DAB1: variants seen among roughly 807,000 people sequenced by gnomAD.
DAB1 encodes the protein DAB adaptor protein 1.
DAB1 carries 15 observed loss-of-function variants against 64.6 expected under a neutral mutation model. That is an observed-to-expected ratio of 0.23 (90% CI 0.16 to 0.36). DAB1 has a LOEUF of 0.36. DAB1 is among the 10% of genes least tolerant of loss of function. The probability of loss-of-function intolerance (pLI) is 1.00; values close to 1 mark genes in which losing one functional copy is unlikely to be tolerated. For missense variants in DAB1, 596 were observed against 706.7 expected (o/e 0.84, Z 1.78); for synonymous variants, 235 against 251.9 (o/e 0.93, Z 0.64).
At chr1:57,344,196 T>C (rs943652088) in intron 1 of DAB1, among the ~76,000 whole-genome samples, 1 of 152,138 alleles carries the variant, frequency 6.6e-6, no homozygotes, top group African/African-American at 2.4e-5. Context: ...GATTCCAAAG[T>C]CTTTGCTCTT....
chr1:58,424,829 G>A (rs1394559395), intron 3 of DAB1, among the ~76,000 whole-genome samples: 2 of 152,180 alleles, frequency 1.3e-5, no homozygotes, highest in Middle Eastern at 3.4e-3. Context: ...AAGCATGAGG[G>A]AGAAGGAGGC....
At chr1:57,226,620 A>G (rs556910084) in intron 2 of DAB1, among the ~76,000 whole-genome samples, 1 of 150,212 alleles carries the variant, frequency 6.7e-6, no homozygotes, top group Non-Finnish European at 1.5e-5. Flanking sequence ...AACAAGAGTG[A>G]GCCCTTCAAA....
chr1:57,473,173 A>T (rs1324941696), intron 7 of DAB1, among the ~76,000 whole-genome samples: 3 of 152,184 alleles, frequency 2.0e-5, no homozygotes, highest in Non-Finnish European at 4.4e-5. Flanking sequence ...TTCAAATCCC[A>T]ATCTACTGAA....
At chr1:57,192,664 C>T (rs2100215171) in intron 2 of DAB1, among the ~76,000 whole-genome samples, 1 of 152,318 alleles carries the variant, frequency 6.6e-6, no homozygotes, top group East Asian at 1.9e-4. Context: ...ACCATGGCAG[C>T]CTTTCACTGG....
At chr1:57,599,841 G>C (rs1020335510) in intron 7 of DAB1, among the ~76,000 whole-genome samples, 2 of 152,134 alleles carry the variant, frequency 1.3e-5, no homozygotes, top group Non-Finnish European at 2.9e-5. Flanking sequence ...TCATTGCTCA[G>C]ATAGCTCCTC....
intron 1 of DAB1, among the ~76,000 whole-genome samples, chr1:57,380,345 A>G (rs1189967085): frequency 1.3e-5 from 2 of 152,224 alleles, no homozygotes; most frequent in African/African-American, 4.8e-5. Context: ...TCTTATAAAT[A>G]GTGGCTACCA....
At chr1:57,793,324 T>C (rs1480112405) in intron 6 of DAB1, among the ~76,000 whole-genome samples, 1 of 152,206 alleles carries the variant, frequency 6.6e-6, no homozygotes, top group Non-Finnish European at 1.5e-5. Flanking sequence ...TTACCTCAGA[T>C]GGATGGCTGG....
At chr1:57,446,198 C>T (rs533154823) in intron 7 of DAB1, among the ~76,000 whole-genome samples, 2 of 152,266 alleles carry the variant, frequency 1.3e-5, no homozygotes, top group Admixed American at 1.3e-4. Context: ...CTTAATAGTT[C>T]CATCTTCACT....
intron 9 of DAB1, among the ~76,000 whole-genome samples, chr1:57,056,524 A>G (rs1282318707): frequency 6.6e-6 from 1 of 151,588 alleles, no homozygotes; most frequent in Non-Finnish European, 1.5e-5. Context: ...AAAAAAAGAA[A>G]AAAAAGAAAA....
intron 9 of DAB1, among the ~76,000 whole-genome samples, chr1:57,047,347 G>T (rs1296489796): frequency 6.6e-6 from 1 of 152,156 alleles, no homozygotes; most frequent in Admixed American, 6.5e-5. Context: ...CCCAAAATTC[G>T]TATGTTAAAG....
chr1:57,367,127 T>TAAAATAAAATAAAATAAAATAAAAA (rs1680122978), intron 1 of DAB1, among the ~76,000 whole-genome samples: 1 of 134,308 alleles, frequency 7.4e-6, no homozygotes, highest in Non-Finnish European at 1.7e-5. Context: ...ATAAATAAAT[T>TAAAATAAAATAAAATAAAATAAAAA]AGCCAGGCAT....
At chr1:58,514,855 A>G (rs1186933822) in intron 2 of DAB1, among the ~76,000 whole-genome samples, 1 of 152,188 alleles carries the variant, frequency 6.6e-6, no homozygotes. Context: ...ATGTACCTCC[A>G]CTTTGGGAGA....
At chr1:58,133,847 G>A (rs1237492319) in intron 5 of DAB1, among the ~76,000 whole-genome samples, 1 of 152,192 alleles carries the variant, frequency 6.6e-6, no homozygotes, top group African/African-American at 2.4e-5. Flanking sequence ...CACAGAGCTT[G>A]TAATGAGCAA....
intron 5 of DAB1, among the ~76,000 whole-genome samples, chr1:58,132,856 A>G (rs1356714992): frequency 1.3e-5 from 2 of 152,168 alleles, no homozygotes; most frequent in Admixed American, 6.5e-5. Flanking sequence ...CAGCACAATT[A>G]AAGTGAATTA....
At chr1:58,180,281 C>CTTTTTTTTTT (rs869204611) in intron 4 of DAB1, among the ~76,000 whole-genome samples, 3 of 61,000 alleles carry the variant, frequency 4.9e-5, no homozygotes, top group East Asian at 5.3e-4. Flanking sequence ...TTTTTCTTTT[C>CTTTTTTTTTT]TTTTTTTTTT....
intron 4 of DAB1, among the ~76,000 whole-genome samples, chr1:58,300,639 AGAGAGAGAGG>A (rs1309908393): frequency 0.018 from 1,035 of 59,046 alleles, 23 homozygotes; most frequent in East Asian, 0.036. Context: ...AGAGAGAGAG[AGAGAGAGAGG>A]AAGGAAGGAA....
chr1:57,740,046 C>CAAAAAAAAAAAAAAA (rs34382329), intron 6 of DAB1, among the ~76,000 whole-genome samples: 3 of 103,112 alleles, frequency 2.9e-5, no homozygotes, highest in African/African-American at 1.1e-4. Flanking sequence ...ACTACTACTA[C>CAAAAAAAAAAAAAAA]AAAAAAAAAA....
intron 3 of DAB1, among the ~76,000 whole-genome samples, chr1:58,491,859 G>A (rs1179162782): frequency 1.3e-5 from 2 of 152,158 alleles, no homozygotes; most frequent in Admixed American, 1.3e-4. Flanking sequence ...AGATCAATGA[G>A]ACAAAAAGTT....
At chr1:58,404,914 C>A (rs145913005) in intron 3 of DAB1, among the ~76,000 whole-genome samples, 1 of 152,154 alleles carries the variant, frequency 6.6e-6, no homozygotes, top group African/African-American at 2.4e-5. Context: ...GTTTCCAAGA[C>A]CTTTCAGCCC....
Sources: gnomAD v4.1 joint callset for allele counts (sites outside exome capture counted in the v4.1 genomes callset) on GRCh38, gnomAD v4.1.1 for gene constraint, MANE v1.5 for transcripts, NCBI Gene and HGNC (gene_info 2026-07-23, HGNC 2026-07-21) for gene names.